The following PCDHGA1 variants were observed in gnomAD, a reference collection of about 807,000 sequenced individuals.
PCDHGA1 encodes protocadherin gamma-A1.
A neutral mutation model predicts 58.0 loss-of-function variants in PCDHGA1; 32 were observed. The ratio of observed to expected loss-of-function variants is 0.55; its 90% confidence interval spans 0.42 to 0.74. PCDHGA1 has a LOEUF of 0.74. Ranked by LOEUF, PCDHGA1 falls within the 30% of genes least tolerant of loss-of-function variation. The pLI, the probability that PCDHGA1 is intolerant of heterozygous loss-of-function variation, is 0.00. For missense variants in PCDHGA1, 1,205 were observed against 1,182.3 expected (o/e 1.02, Z -0.28); for synonymous variants, 498 against 501.1 (o/e 0.99, Z 0.08).
intron 1 of PCDHGA1, chr5:141,404,311 T>G (rs746092761): frequency 1.9e-6 from 3 of 1,613,924 alleles, no homozygotes. Flanking sequence ...CTGCTTTCTC[T>G]CAAGCCTCCT....
In PCDHGA1 at chr5:141,478,301, G is replaced by C. The variant is rs778427815; in HGVS notation, c.2422-16506G>C. ...GAAGCAGTCTAGAGACCTATACCGA[G>C]CCCCGGTGAGCTCACTGTACCGAAC... On this transcript the variant is annotated intron_variant, in intron 1 of 3. Coordinates refer to ENST00000517417, the MANE Select transcript of PCDHGA1 (RefSeq NM_018912.3). 2.5e-6 allele frequency: 4 copies of C among 1,614,074 alleles called. No individual in the cohort carries two copies. In the South Asian group the frequency reaches 4.4e-5, roughly 18 times the overall value.
At chr5:141,425,111 A>C (rs2096857405) in intron 1 of PCDHGA1, among the ~76,000 whole-genome samples, 1 of 152,144 alleles carries the variant, frequency 6.6e-6, no homozygotes, top group Non-Finnish European at 1.5e-5. Flanking sequence ...AGATGCCTAC[A>C]TTTTTCTTGA....
intron 1 of PCDHGA1, chr5:141,410,258 G>A: frequency 6.2e-7 from 1 of 1,614,022 alleles, no homozygotes; most frequent in East Asian, 2.2e-5. Context: ...TGACCCCCAG[G>A]CTGAACTGCA....
rs762910422 is a variant in PCDHGA1, at chr5:141,485,747, C to T, written c.2422-9060C>T. ...GAAGCGCAGCGACGGCAGCCTGGTCCCAGAGCTGCTCCTGGAGAAGCCTTT... is the reference window on the plus strand; with the variant it reads ...GAAGCGCAGCGACGGCAGCCTGGTCTCAGAGCTGCTCCTGGAGAAGCCTTT... On this transcript the variant is annotated intron_variant, in intron 1 of 3. Coordinates refer to ENST00000517417, the MANE Select transcript of PCDHGA1 (RefSeq NM_018912.3). This position sits in a 1 kb window ranked among gnomAD's most constrained non-coding sequence, Gnocchi z 5.7. 1 of 1,614,162 alleles carries T rather than the reference C, an allele frequency of 6.2e-7. No individual in the cohort carries two copies.
intron 1 of PCDHGA1, chr5:141,393,481 C>A (rs368525192): frequency 6.2e-7 from 1 of 1,614,066 alleles, no homozygotes; most frequent in Non-Finnish European, 8.5e-7. Flanking sequence ...CCGCCTCGCT[C>A]TAGCACAGTG....
At chr5:141,372,484 C>T (rs1161994695) in intron 1 of PCDHGA1, 1 of 1,614,060 alleles carries the variant, frequency 6.2e-7, no homozygotes, top group Non-Finnish European at 8.5e-7. Context: ...GTGGCGTTGG[C>T]CTTGATCTCA....
intron 1 of PCDHGA1, among the ~76,000 whole-genome samples, chr5:141,406,775 CACTT>C (rs2094850405): frequency 6.6e-6 from 1 of 152,200 alleles, no homozygotes; most frequent in Non-Finnish European, 1.5e-5. Context: ...ATATTTCTCT[CACTT>C]ATATATTATT....
intron 1 of PCDHGA1, among the ~76,000 whole-genome samples, chr5:141,455,291 A>G (rs1212745731): frequency 6.6e-6 from 1 of 152,072 alleles, no homozygotes; most frequent in Non-Finnish European, 1.5e-5. Flanking sequence ...CACTTTACAT[A>G]GTTTCATCTT....
At position 141,487,289 on chromosome 5, in the gene PCDHGA1, G is replaced by T; in HGVS notation, c.2422-7518G>T. 6.2e-7 allele frequency: 1 copy of T among 1,614,096 alleles called. No individual in the cohort carries two copies. The highest frequency in any genetic ancestry group is 8.5e-7 in the Non-Finnish European group (1 of 1,180,024). On this transcript the variant is annotated intron_variant, in intron 1 of 3. Coordinates refer to ENST00000517417, the MANE Select transcript of PCDHGA1 (RefSeq NM_018912.3). The surrounding 1 kb of genome is among the most constrained non-coding windows in gnomAD (Gnocchi z 5.0). Reference sequence around the variant, plus strand: ...AGTGGCAATTTGCTTTGTCTCCTTTGGCTCATTCGTGGCACTACTCTCTAA... The same window carrying T: ...AGTGGCAATTTGCTTTGTCTCCTTTTGCTCATTCGTGGCACTACTCTCTAA...
At chr5:141,427,635 C>T in intron 1 of PCDHGA1, 1 of 706,280 alleles carries the variant, frequency 1.4e-6, no homozygotes, top group African/African-American at 1.7e-5. Context: ...TCCGGTTTTC[C>T]ACCAAGTCTC....
At chr5:141,376,223 C>T (rs1772425823) in intron 1 of PCDHGA1, 1 of 1,614,084 alleles carries the variant, frequency 6.2e-7, no homozygotes, top group Non-Finnish European at 8.5e-7. Context: ...GCTGCTGGCG[C>T]TCAGACTGCA....
At chr5:141,362,202 G>C in intron 1 of PCDHGA1, 2 of 1,614,078 alleles carry the variant, frequency 1.2e-6, no homozygotes, top group African/African-American at 2.7e-5. Context: ...CAAAACTGCA[G>C]TTTTACCTGG....
At position 141,393,580 on chromosome 5, in the gene PCDHGA1, C is replaced by A. The variant is rs756625630; in HGVS notation, c.2421+60475C>A. 5.6e-6 allele frequency: 9 copies of A among 1,613,758 alleles called. No individual in the cohort carries two copies. In the South Asian group the frequency reaches 9.9e-5, roughly 18 times the overall value. ...CGAGTGAAAGTCCTTGAGAACATGC[C>A]CCCAGGCACGCGGCTGCTTACTGTA... is the stretch of plus-strand genomic sequence containing the variant. On this transcript the variant is annotated intron_variant, in intron 1 of 3. Transcript: ENST00000517417.
chr5:141,450,555 C>T (rs958577638), intron 1 of PCDHGA1, among the ~76,000 whole-genome samples: 4 of 151,710 alleles, frequency 2.6e-5, no homozygotes, highest in East Asian at 1.9e-4. Flanking sequence ...GGCGCAGTCT[C>T]GGCTCACTGC....
chr5:141,332,668 G>T lies in PCDHGA1; in HGVS notation c.1984G>T (p.Val662Leu). ...PPLSATVTLT[V>L]AVADRISDIL... Reference sequence around the variant, plus strand: ...GCTCTCCGCCACTGTCACGCTCACCGTGGCCGTGGCCGACAGGATCTCCGA... The same window carrying T: ...GCTCTCCGCCACTGTCACGCTCACCTTGGCCGTGGCCGACAGGATCTCCGA... Residue 662 changes from valine (V) to leucine (L), a missense_variant, in exon 1 of 4, where the codon GTG becomes TTG. By Grantham distance (32) the Val-to-Leu change is conservative. Transcript: ENST00000517417. This position sits in a 1 kb window ranked among gnomAD's most constrained non-coding sequence, Gnocchi z 4.6. 1 of 1,613,532 alleles carries T rather than the reference G, an allele frequency of 6.2e-7. No individual in the cohort carries two copies. Among genetic ancestry groups the T allele is most frequent in the Non-Finnish European group, 8.5e-7 (1 of 1,179,880 alleles).
At position 141,351,571 on chromosome 5, in the gene PCDHGA1, C is replaced by T. The variant is rs370102258; in HGVS notation, c.2421+18466C>T. 24 of 1,613,956 alleles carry T rather than the reference C, an allele frequency of 1.5e-5. No homozygotes were observed. In the African/African-American group the frequency reaches 2.4e-4, roughly 16 times the overall value. On this transcript the variant is annotated intron_variant, in intron 1 of 3. Coordinates refer to ENST00000517417, the MANE Select transcript of PCDHGA1 (RefSeq NM_018912.3). Reference sequence around the variant, plus strand: ...CCTCCAGGACAAGCATCACCCTGCACATCTCCGACATCAACGACAATGCAC... The same window carrying T: ...CCTCCAGGACAAGCATCACCCTGCATATCTCCGACATCAACGACAATGCAC...
In PCDHGA1 at chr5:141,432,967, G is replaced by T; in HGVS notation, c.2422-61840G>T. ...CAGGAGGCGGCTTGACAGGAGCGCC[G>T]GCGTCGCACTTTGTGGGCGTGGACG... On this transcript the variant is annotated intron_variant, in intron 1 of 3. Coordinates refer to ENST00000517417, the MANE Select transcript of PCDHGA1 (RefSeq NM_018912.3). The surrounding 1 kb of genome is among the most constrained non-coding windows in gnomAD (Gnocchi z 6.0). 1 of 1,614,190 alleles carries T rather than the reference G, an allele frequency of 6.2e-7. No homozygotes were observed. The highest frequency in any genetic ancestry group is 2.2e-5 in the East Asian group (1 of 44,854).
At chr5:141,376,676 G>GTTTTGTT in intron 1 of PCDHGA1, 5 of 306,022 alleles carry the variant, frequency 1.6e-5, no homozygotes, top group Non-Finnish European at 1.1e-5. Flanking sequence ...TGAGGGTATC[G>GTTTTGTT]TTTTTTTTTT....
Position 141,485,183 on chromosome 5 carries a change from A to C in PCDHGA1, c.2422-9624A>C, listed in dbSNP as rs777796801. On this transcript the variant is annotated intron_variant, in intron 1 of 3. Transcript: ENST00000517417. This position sits in a 1 kb window ranked among gnomAD's most constrained non-coding sequence, Gnocchi z 5.7. ...TTAGCGGGCGGCAGCAATGCTCCGC[A>C]AGGTGAGAAGCTGGACAGAAATCTG... 1.9e-6 allele frequency: 3 copies of C among 1,613,248 alleles called. No individual in the cohort carries two copies. The highest frequency in any genetic ancestry group is 3.3e-5 in the Admixed American group (2 of 60,006).
Sources: gnomAD v4.1 joint callset for allele counts (sites outside exome capture counted in the v4.1 genomes callset) on GRCh38, gnomAD v4.1.1 for gene constraint, Gnocchi (gnomAD v3.1) non-coding constraint, MANE v1.5 for transcripts, NCBI Gene and HGNC (gene_info 2026-07-23, HGNC 2026-07-21) for gene names.